Variants in EVI2B observed in about 807,000 individuals in gnomAD.
The protein encoded by EVI2B is ecotropic viral integration site 2B, also known as protein EVI2B.
EVI2B carries 4 observed loss-of-function variants against 6.6 expected under a neutral mutation model. That is an observed-to-expected ratio of 0.61 (90% CI 0.30 to 1.39). The LOEUF is 1.39. Among genes scored for constraint, EVI2B ranks in the 40% most tolerant of loss-of-function variants. EVI2B has a pLI of 0.08. For missense variants in EVI2B, 484 were observed against 516.6 expected (o/e 0.94, Z 0.61); for synonymous variants, 181 against 186.8 (o/e 0.97, Z 0.25).
In EVI2B at chr17:31,304,851, A is replaced by T; in HGVS notation, c.759T>A (p.Cys253Ter). 1 of 1,614,116 alleles carries T rather than the reference A, an allele frequency of 6.2e-7. No homozygotes were observed. Among genetic ancestry groups the T allele is most frequent in the Non-Finnish European group, 8.5e-7 (1 of 1,180,036 alleles). The change falls in exon 2 of 2, where the codon TGT becomes TGA. Residue 253 changes from cysteine (C) to a stop codon, truncating the protein, a stop_gained. Transcript: ENST00000330927. LOFTEE classifies it high-confidence loss of function. ...TTTCATTTTCTCTGATGTTATCCAT[A>T]CAAATGTCAGGGGTTTCTCCATCAG... Reference protein sequence around the residue: ...PFADGETPDICMDNIRENEIS... With the variant: ...PFADGETPDI
intron 1 of EVI2B, among the ~76,000 whole-genome samples, chr17:31,310,245 A>G (rs901531813): frequency 6.6e-6 from 1 of 152,204 alleles, no homozygotes; most frequent in Non-Finnish European, 1.5e-5. Context: ...GCAAAGAAAT[A>G]CAAAATAACA....
At position 31,304,821 on chromosome 17, in the gene EVI2B, G is replaced by A. The variant is rs142482926; in HGVS notation, c.789C>T (p.Ser263=). The A allele has an allele frequency of 2.1e-4, 335 of 1,613,938 alleles. No individual in the cohort carries two copies. The highest frequency in any genetic ancestry group is 1.3e-3 in the Admixed American group (79 of 60,004). ...GTGAAATGATTGATGTACGTTTTGT[G>A]GATATTTCATTTTCTCTGATGTTAT... ...CMDNIRENEI[S]TKRTSIISLT... The change falls in exon 2 of 2, where the codon TCC becomes TCT. Residue 263 remains serine (S), a synonymous_variant. Transcript: ENST00000330927.
In EVI2B at chr17:31,305,350, G is replaced by T. The variant is rs1445121427; in HGVS notation, c.260C>A (p.Thr87Asn). 8.1e-6 allele frequency: 13 copies of T among 1,614,076 alleles called. No homozygotes were observed. Among genetic ancestry groups the T allele is most frequent in the Non-Finnish European group, 1.1e-5 (13 of 1,180,042 alleles). The change falls in exon 2 of 2, where the codon ACC becomes AAC. Residue 87 changes from threonine to asparagine, a missense_variant. Coordinates refer to ENST00000330927, the MANE Select transcript of EVI2B (RefSeq NM_006495.4). Reference protein sequence around the residue: ...TAGQPTPAVYTSSEKPEAHTS... With the variant: ...TAGQPTPAVYNSSEKPEAHTS... ...ATGTGCTTCTGGTTTTTCAGAAGAG[G>T]TATAGACAGCTGGTGTTGGTTGTCC...
chr17:31,309,265 C>T (rs1043759325), intron 1 of EVI2B, among the ~76,000 whole-genome samples: 4 of 152,180 alleles, frequency 2.6e-5, no homozygotes, highest in Admixed American at 6.5e-5. Flanking sequence ...GCACAGTAAA[C>T]ATTTAACCTG....
intron 1 of EVI2B, 26 bp downstream of exon 1, chr17:31,313,953 A>G: frequency 2.5e-6 from 1 of 397,898 alleles, no homozygotes; most frequent in Non-Finnish European, 4.4e-6. Context: ...GCAAGATCAA[A>G]CCAAATTGTG....
At chr17:31,312,384 G>A (rs2068899820) in intron 1 of EVI2B, among the ~76,000 whole-genome samples, 1 of 151,940 alleles carries the variant, frequency 6.6e-6, no homozygotes, top group African/African-American at 2.4e-5. Context: ...GGTGGTGGGT[G>A]CCTGTAATCC....
chr17:31,309,988 T>C (rs1348422721), intron 1 of EVI2B, among the ~76,000 whole-genome samples: 2 of 152,120 alleles, frequency 1.3e-5, no homozygotes, highest in African/African-American at 4.8e-5. Context: ...GGCAATTCAG[T>C]GTAGTCCAGA....
Position 31,303,966 on chromosome 17 carries a change from TG to T in EVI2B, c.*296del. On this transcript the variant is annotated 3_prime_UTR_variant, in exon 2 of 2. Coordinates refer to ENST00000330927, the MANE Select transcript of EVI2B (RefSeq NM_006495.4). Reference sequence around the variant, plus strand: ...CTTTTCAGGGGAAAAAAAACTGTACTGGGTAATAAGTATATGTAGATTGTTT... The same window carrying T: ...CTTTTCAGGGGAAAAAAAACTGTACTGGTAATAAGTATATGTAGATTGTTT... 1 of 203,478 alleles carries T rather than the reference TG, an allele frequency of 4.9e-6. No individual in the cohort carries two copies. Among genetic ancestry groups the T allele is most frequent in the Non-Finnish European group, 9.9e-6 (1 of 100,504 alleles). 12.6% of individuals were successfully genotyped at this position (203,478 alleles called of 1,614,324 possible).
intron 1 of EVI2B, among the ~76,000 whole-genome samples, chr17:31,310,770 A>G (rs923063139): frequency 2.6e-5 from 4 of 152,014 alleles, no homozygotes; most frequent in Admixed American, 1.3e-4. Flanking sequence ...GTCAGCCCTC[A>G]TATGCCGGTT....
Position 31,314,009 on chromosome 17 carries a change from A to G in EVI2B, c.-52T>C, listed in dbSNP as rs1190717165. On this transcript the variant is annotated 5_prime_UTR_variant, in exon 1 of 2. Coordinates refer to ENST00000330927, the MANE Select transcript of EVI2B (RefSeq NM_006495.4). The stretch of plus-strand genomic sequence containing the variant: ...CTGTTAACTTCTTTTGCAGAATGCT[A>G]AATTCTTGTTCTAACTGGACATTTT... 7.5e-6 allele frequency: 3 copies of G among 398,056 alleles called. No homozygotes were observed. Among genetic ancestry groups the G allele is most frequent in the Non-Finnish European group, 1.3e-5 (3 of 225,824 alleles). The allele number at this position is 398,056 out of a possible 1,614,324, so 24.7% of individuals were successfully genotyped here. A position where few individuals can be genotyped will look rare whatever the true frequency, so the allele number is the denominator to read the frequency against.
At chr17:31,309,055 A>G (rs2068803567) in intron 1 of EVI2B, among the ~76,000 whole-genome samples, 2 of 152,320 alleles carry the variant, frequency 1.3e-5, no homozygotes, top group Middle Eastern at 3.4e-3. Flanking sequence ...AGGAAGGTAA[A>G]GGGATCCCTT....
In EVI2B at chr17:31,305,518, T is replaced by A. The variant is rs1177741720; in HGVS notation, c.92A>T (p.Gln31Leu). 3 of 1,614,112 alleles carry A rather than the reference T, an allele frequency of 1.9e-6. No homozygotes were observed. Among genetic ancestry groups the A allele is most frequent in the Admixed American group, 3.3e-5 (2 of 60,006 alleles). The stretch of plus-strand genomic sequence containing the variant: ...TGATGTGAATAAGGTAGGCTGTGAC[T>A]GCTTCTCTGTTGTAATTGTCTCTGT... ...SKTETITTEK[Q>L]SQPTLFTSSM... Residue 31 changes from glutamine to leucine, a missense_variant, in exon 2 of 2, where the codon CAG becomes CTG. Coordinates refer to ENST00000330927, the MANE Select transcript of EVI2B (RefSeq NM_006495.4).
At chr17:31,306,162 T>C (rs1410602294) in intron 1 of EVI2B, among the ~76,000 whole-genome samples, 2 of 152,194 alleles carry the variant, frequency 1.3e-5, no homozygotes, top group Non-Finnish European at 2.9e-5. Context: ...AAGTAGCTTT[T>C]TGTAATCAGT....
rs1269516952 is a variant in EVI2B, at chr17:31,304,465, T to G, written c.1145A>C (p.Gln382Pro). Residue 382 changes from glutamine (Q) to proline (P), a missense_variant, in exon 2 of 2, where the codon CAA (glutamine) becomes CCA (proline). Physicochemically the swap from Gln to Pro is moderately conservative, Grantham distance 76. Coordinates refer to ENST00000330927, the MANE Select transcript of EVI2B (RefSeq NM_006495.4). ...CTCAGATTTATGATCTCCACAGTCT[T>G]GATTGAGACAGTCCAGAGATGGAGG... ...SLPPSLDCLN[Q>P]DCGDHKSEII... is the part of the protein sequence containing the mutation. 1 of 1,614,032 alleles carries G rather than the reference T, an allele frequency of 6.2e-7. No homozygotes were observed. The highest frequency in any genetic ancestry group is 1.3e-5 in the African/African-American group (1 of 74,924).
At chr17:31,313,749 TGTG>T in intron 1 of EVI2B, among the ~76,000 whole-genome samples, 1 of 149,220 alleles carries the variant, frequency 6.7e-6, no homozygotes, top group South Asian at 2.1e-4. Flanking sequence ...TGTGTGTGTG[TGTG>T]TGTGTGAGAT....
chr17:31,310,566 A>G (rs185306251), intron 1 of EVI2B, among the ~76,000 whole-genome samples: 1 of 152,222 alleles, frequency 6.6e-6, no homozygotes, highest in Admixed American at 6.5e-5. Context: ...AGAAGGAACC[A>G]TCCTTTCAAA....
intron 1 of EVI2B, among the ~76,000 whole-genome samples, chr17:31,307,559 T>C (rs1275932571): frequency 1.3e-5 from 2 of 152,048 alleles, no homozygotes; most frequent in Non-Finnish European, 2.9e-5. Context: ...ACTTGGAGAG[T>C]TAAGTTTCAG....
In EVI2B at chr17:31,304,206, TA is replaced by T. The variant is rs1205313195; in HGVS notation, c.*56del. On this transcript the variant is annotated 3_prime_UTR_variant, in exon 2 of 2. Coordinates refer to ENST00000330927, the MANE Select transcript of EVI2B (RefSeq NM_006495.4). ...TTGCCATTTTATATATGTTAACATA[TA>T]AAGAAAAAAGAGTCATTTGAGGATG... 4 of 1,484,352 alleles carry T rather than the reference TA, an allele frequency of 2.7e-6. No individual in the cohort carries two copies. Among genetic ancestry groups the T allele is most frequent in the Non-Finnish European group, 3.6e-6 (4 of 1,104,382 alleles). 91.9% of individuals were successfully genotyped at this position (1,484,352 alleles called of 1,614,324 possible).
In EVI2B at chr17:31,304,760, C is replaced by A; in HGVS notation, c.850G>T (p.Ala284Ser). ...PWKPSKSTLL[A>S]DDLEIKLFES... ...AACAACTTAATTTCTAAGTCATCTG[C>A]TAAAAGTGTGCTTTTGCTTGGTTTC... Residue 284 changes from alanine to serine, a missense_variant, in exon 2 of 2, where the codon GCA becomes TCA. Ala to Ser is a moderately conservative substitution (Grantham distance 99, BLOSUM62 1). Coordinates refer to ENST00000330927, the MANE Select transcript of EVI2B (RefSeq NM_006495.4). 1 of 1,614,114 alleles carries A rather than the reference C, an allele frequency of 6.2e-7. No individual in the cohort carries two copies. Among genetic ancestry groups the A allele is most frequent in the Non-Finnish European group, 8.5e-7 (1 of 1,180,012 alleles).
Sources: allele counts gnomAD v4.1 joint callset (sites outside exome capture counted in the v4.1 genomes callset), GRCh38; gene constraint gnomAD v4.1.1; transcripts MANE v1.5; gene names NCBI Gene and HGNC (gene_info 2026-07-23, HGNC 2026-07-21).